GLI2: variants seen among roughly 807,000 people sequenced by gnomAD.
GLI2 encodes GLI family zinc finger 2, also known as transcription activator GLI2.
A neutral mutation model predicts 78.9 loss-of-function variants in GLI2; 22 were observed. The ratio of observed to expected loss-of-function variants is 0.28; its 90% CI spans 0.20 to 0.40. GLI2 has a LOEUF of 0.40. GLI2 is among the 10% of genes least tolerant of loss of function. The pLI, the probability that GLI2 is intolerant of heterozygous loss-of-function variation, is 1.00. For missense variants in GLI2, 2,097 were observed against 2,213.2 expected (o/e 0.95, Z 1.05); for synonymous variants, 974 against 963.7 (o/e 1.01, Z -0.20).
At chr2:120,782,069 C>G (rs1212010366) in intron 1 of GLI2, among the ~76,000 whole-genome samples, 2 of 152,132 alleles carry the variant, frequency 1.3e-5, no homozygotes, top group Admixed American at 6.5e-5. Context: ...CTGTATTTCT[C>G]TAAGTCTTTA....
chr2:120,839,490 A>T (rs1686766387), intron 2 of GLI2, among the ~76,000 whole-genome samples: 1 of 152,028 alleles, frequency 6.6e-6, no homozygotes, highest in East Asian at 1.9e-4. Context: ...TTATAACTAT[A>T]TCCCCTTTTT....
intron 9 of GLI2, among the ~76,000 whole-genome samples, chr2:120,977,454 C>T (rs984740032): frequency 3.3e-5 from 5 of 152,142 alleles, no homozygotes; most frequent in African/African-American, 1.2e-4. Flanking sequence ...ACTTCTAGCC[C>T]ATCCCAGCTC....
At chr2:120,786,147 T>C (rs1421022342) in intron 1 of GLI2, among the ~76,000 whole-genome samples, 1 of 152,206 alleles carries the variant, frequency 6.6e-6, no homozygotes, top group African/African-American at 2.4e-5. Context: ...CCCACCACCC[T>C]GGACGGGTCT....
chr2:120,797,592 A>C lies in GLI2; in HGVS notation c.148+124A>C, dbSNP rs1046349982. On this transcript the variant is annotated intron_variant, in intron 2 of 13. Coordinates refer to ENST00000361492, the MANE Select transcript of GLI2 (RefSeq NM_001374353.1). ...GCTGGGTTTATGGAGGGCGAAGAGG[A>C]AGGCACCTCTGCTCCCAGGAATCCC... 19 of 901,968 alleles carry C rather than the reference A, an allele frequency of 2.1e-5. No homozygotes were observed. The East Asian group carries it at 4.9e-4, about 23-fold the overall frequency. The allele number at this position is 901,968 out of a possible 1,614,324, so 55.9% of individuals were successfully genotyped here. A position where few individuals can be genotyped will look rare whatever the true frequency, so the allele number is the denominator to read the frequency against.
intron 2 of GLI2, among the ~76,000 whole-genome samples, chr2:120,801,045 G>A (rs1468955776): frequency 2.0e-5 from 3 of 152,176 alleles, no homozygotes; most frequent in African/African-American, 7.2e-5. Context: ...ACTGTCACCA[G>A]TTCCGAGAGC....
At chr2:120,862,295 C>T (rs1228773776) in intron 2 of GLI2, among the ~76,000 whole-genome samples, 3 of 152,174 alleles carry the variant, frequency 2.0e-5, no homozygotes, top group African/African-American at 7.2e-5. Flanking sequence ...AAACAAATGC[C>T]TACACAGGAA....
At chr2:120,953,729 C>G (rs1681103442) in intron 4 of GLI2, among the ~76,000 whole-genome samples, 1 of 152,120 alleles carries the variant, frequency 6.6e-6, no homozygotes, top group Non-Finnish European at 1.5e-5. Context: ...GTGGCTCATG[C>G]CTGTAATTGG....
intron 1 of GLI2, among the ~76,000 whole-genome samples, chr2:120,752,609 A>T (rs1056200944): frequency 3.9e-5 from 6 of 152,136 alleles, no homozygotes; most frequent in African/African-American, 1.4e-4. Flanking sequence ...TTGAATAGTA[A>T]TATACCTACA....
intron 3 of GLI2, among the ~76,000 whole-genome samples, chr2:120,928,175 C>A (rs1039781828): frequency 6.6e-6 from 1 of 152,142 alleles, no homozygotes; most frequent in Non-Finnish European, 1.5e-5. Flanking sequence ...CCGCACCTGC[C>A]TCCAGGAGAG....
At chr2:120,941,840 T>C (rs1036861450) in intron 3 of GLI2, among the ~76,000 whole-genome samples, 1 of 152,198 alleles carries the variant, frequency 6.6e-6, no homozygotes, top group African/African-American at 2.4e-5. Flanking sequence ...GGAAATGGCA[T>C]GCTGGGGCTG....
chr2:120,787,144 G>T (rs1684019804), intron 1 of GLI2, among the ~76,000 whole-genome samples: 2 of 152,198 alleles, frequency 1.3e-5, no homozygotes, highest in South Asian at 4.1e-4. Flanking sequence ...GTCCCAGGGA[G>T]GCTTCTCTGA....
chr2:120,791,006 G>A (rs1684138825), intron 1 of GLI2, among the ~76,000 whole-genome samples: 1 of 152,172 alleles, frequency 6.6e-6, no homozygotes, highest in Admixed American at 6.5e-5. Flanking sequence ...TACCCTGGGA[G>A]GGAGGGTACT....
chr2:120,879,711 G>T (rs956244977), intron 2 of GLI2, among the ~76,000 whole-genome samples: 1 of 152,212 alleles, frequency 6.6e-6, no homozygotes, highest in African/African-American at 2.4e-5. Context: ...CTGTCACCCT[G>T]CAGTAACCCA....
At chr2:120,973,211 C>T (rs949811277) in intron 8 of GLI2, among the ~76,000 whole-genome samples, 17 of 152,360 alleles carry the variant, frequency 1.1e-4, no homozygotes, top group African/African-American at 2.6e-4. Flanking sequence ...ACACCAAAGC[C>T]GGTCTCAGCA....
intron 1 of GLI2, among the ~76,000 whole-genome samples, chr2:120,782,491 G>C (rs989850924): frequency 6.6e-6 from 1 of 152,190 alleles, no homozygotes; most frequent in African/African-American, 2.4e-5. Flanking sequence ...GATAACTGAG[G>C]TGTGGCGAAG....
At chr2:120,972,273 CATG>C (rs1055939516) in intron 8 of GLI2, among the ~76,000 whole-genome samples, 2 of 152,218 alleles carry the variant, frequency 1.3e-5, no homozygotes, top group Non-Finnish European at 2.9e-5. Context: ...TCCCATCACA[CATG>C]GTGAATGAAT....
intron 2 of GLI2, among the ~76,000 whole-genome samples, chr2:120,888,371 C>G (rs1398999337): frequency 2.6e-5 from 4 of 152,226 alleles, no homozygotes; most frequent in Admixed American, 6.5e-5. Context: ...CATGAGTTCT[C>G]TCAATCTCAT....
intron 2 of GLI2, among the ~76,000 whole-genome samples, chr2:120,865,530 G>A (rs943519849): frequency 6.6e-6 from 1 of 152,126 alleles, no homozygotes; most frequent in Non-Finnish European, 1.5e-5. Flanking sequence ...TGGCCTTTGC[G>A]GTGCCCTTGG....
intron 10 of GLI2, among the ~76,000 whole-genome samples, chr2:120,979,683 G>C (rs1682622543): frequency 6.6e-6 from 1 of 152,150 alleles, no homozygotes; most frequent in African/African-American, 2.4e-5. Context: ...ATCACTACTA[G>C]TTAATTTCAG....
Sources: gnomAD v4.1 joint callset for allele counts (sites outside exome capture counted in the v4.1 genomes callset) on GRCh38, gnomAD v4.1.1 for gene constraint, MANE v1.5 for transcripts, NCBI Gene and HGNC (gene_info 2026-07-23, HGNC 2026-07-21) for gene names.